LINGO2: variants seen among roughly 807,000 people sequenced by gnomAD.
The protein encoded by LINGO2 is leucine rich repeat and Ig domain containing 2.
Under a neutral mutation model 30.6 loss-of-function variants are expected in LINGO2, and 14 were observed. The ratio of observed to expected loss-of-function variants is 0.46; its 90% confidence interval spans 0.30 to 0.72. The LOEUF (loss-of-function observed/expected upper bound fraction) is 0.72, where lower values mean the gene tolerates loss of function less well. Among genes scored for constraint, LINGO2 ranks in the 30% least tolerant of loss-of-function variants. The probability of loss-of-function intolerance (pLI) is 0.07; values close to 1 mark genes in which losing one functional copy is unlikely to be tolerated. For missense variants in LINGO2, 729 were observed against 751.7 expected (o/e 0.97, Z 0.35); for synonymous variants, 317 against 288.5 (o/e 1.10, Z -1.00).
At chr9:28,897,134 G>A in the LINGO2 span, among the ~76,000 whole-genome samples, 2 of 152,076 alleles carry the variant, frequency 1.3e-5, no homozygotes, top group African/African-American at 2.4e-5. Context: ...ACATAGTTTG[G>A]TCTACAGAGC....
At chr9:28,774,041 TACACACACACACACAC>T in the LINGO2 span, among the ~76,000 whole-genome samples, 89 of 146,886 alleles carry the variant, frequency 6.1e-4, no homozygotes, top group African/African-American at 1.1e-3. Flanking sequence ...TTCTTTTTGA[TACACACACACACACAC>T]ACACACACAC....
chr9:28,935,915 G>C, the LINGO2 span, among the ~76,000 whole-genome samples: 1 of 151,998 alleles, frequency 6.6e-6, no homozygotes, highest in Non-Finnish European at 1.5e-5. Context: ...TGTTTTGTTA[G>C]AGAAACAAAA....
At chr9:28,318,432 T>C (rs1033165451) in intron 3 of LINGO2, among the ~76,000 whole-genome samples, 1 of 152,206 alleles carries the variant, frequency 6.6e-6, no homozygotes, top group South Asian at 2.1e-4. Context: ...GTGAACTATG[T>C]GTTCATCTTA....
the LINGO2 span, among the ~76,000 whole-genome samples, chr9:28,929,717 T>C: frequency 6.6e-6 from 1 of 152,098 alleles, no homozygotes; most frequent in Non-Finnish European, 1.5e-5. Flanking sequence ...CAAAGCTGAG[T>C]GAGAGTGCAA....
At chr9:28,599,700 T>C (rs1056580928) in intron 1 of LINGO2, among the ~76,000 whole-genome samples, 1 of 152,230 alleles carries the variant, frequency 6.6e-6, no homozygotes, top group African/African-American at 2.4e-5. Flanking sequence ...ATGGATTTGT[T>C]TATTGTTTAC....
intron 3 of LINGO2, among the ~76,000 whole-genome samples, chr9:28,358,516 G>A (rs1035790622): frequency 5.9e-5 from 9 of 152,140 alleles, no homozygotes; most frequent in African/African-American, 2.2e-4. Context: ...GTCTCAGGAT[G>A]ACAGCCCTTT....
At chr9:28,651,514 C>G (rs553959881) in intron 1 of LINGO2, among the ~76,000 whole-genome samples, 2 of 152,212 alleles carry the variant, frequency 1.3e-5, no homozygotes, top group East Asian at 3.9e-4. Flanking sequence ...CCTGTGGAAG[C>G]CAGCCACCAT....
chr9:28,641,847 T>G (rs1588012006), intron 1 of LINGO2, among the ~76,000 whole-genome samples: 1 of 152,138 alleles, frequency 6.6e-6, no homozygotes, highest in African/African-American at 2.4e-5. Context: ...GTTCCATTAA[T>G]AGTGAAGCAT....
chr9:29,092,023 A>G, the LINGO2 span, among the ~76,000 whole-genome samples: 1 of 152,022 alleles, frequency 6.6e-6, no homozygotes, highest in East Asian at 1.9e-4. Flanking sequence ...GACTATAAAA[A>G]TAGTAATAAT....
chr9:28,669,929 C>T lies in LINGO2; in HGVS notation c.-365+271G>A, dbSNP rs574407050. Among the ~76,000 whole-genome samples, 41 of 151,996 alleles carry T rather than the reference C, an allele frequency of 2.7e-4. 1 individual carries two copies. The South Asian group carries it at 8.5e-3, about 32-fold the overall frequency. ...ACATTAAGCAAACAGAAACAGTATA[C>T]AGACTGTCAGAAACATATCATCACA... On this transcript the variant is annotated intron_variant, in intron 1 of 5. Coordinates refer to ENST00000379992, the Ensembl canonical transcript of LINGO2.
At chr9:28,352,177 A>C (rs1564142964) in intron 3 of LINGO2, among the ~76,000 whole-genome samples, 1 of 151,980 alleles carries the variant, frequency 6.6e-6, no homozygotes, top group Non-Finnish European at 1.5e-5. Context: ...AAGGAAATAA[A>C]GGGTATTCAG....
At chr9:28,534,494 G>A (rs944129728) in intron 1 of LINGO2, among the ~76,000 whole-genome samples, 2 of 152,068 alleles carry the variant, frequency 1.3e-5, no homozygotes, top group African/African-American at 2.4e-5. Flanking sequence ...CCAAGATATC[G>A]TACTATAGCA....
At chr9:27,996,138 C>G (rs1587644502) in intron 5 of LINGO2, among the ~76,000 whole-genome samples, 1 of 151,976 alleles carries the variant, frequency 6.6e-6, no homozygotes, top group African/African-American at 2.4e-5. Flanking sequence ...CAGAAAATAA[C>G]AGATACTGGT....
the LINGO2 span, among the ~76,000 whole-genome samples, chr9:28,754,119 T>C: frequency 6.6e-6 from 1 of 151,814 alleles, no homozygotes; most frequent in African/African-American, 2.4e-5. Context: ...CCAAGTATAC[T>C]AACAGACTAT....
the LINGO2 span, among the ~76,000 whole-genome samples, chr9:29,080,653 T>C: frequency 6.6e-6 from 1 of 152,150 alleles, no homozygotes; most frequent in African/African-American, 2.4e-5. Context: ...GTCTTTGGTC[T>C]CATTGGTTTC....
At chr9:28,760,485 G>T in the LINGO2 span, among the ~76,000 whole-genome samples, 1 of 151,848 alleles carries the variant, frequency 6.6e-6, no homozygotes, top group African/African-American at 2.4e-5. Context: ...CTCCTAAAAG[G>T]CTTGTTAAAT....
At chr9:28,659,772 A>C (rs1317414297) in intron 1 of LINGO2, among the ~76,000 whole-genome samples, 6 of 152,130 alleles carry the variant, frequency 3.9e-5, no homozygotes, top group Admixed American at 3.3e-4. Flanking sequence ...TGAATTGCAA[A>C]GATGATGACC....
the LINGO2 span, among the ~76,000 whole-genome samples, chr9:29,072,107 T>C: frequency 7.2e-5 from 11 of 152,254 alleles, no homozygotes; most frequent in Non-Finnish European, 1.2e-4. Flanking sequence ...TTGGTAAAGT[T>C]ACTTCAGTTT....
intron 1 of LINGO2, among the ~76,000 whole-genome samples, chr9:28,553,269 G>A (rs1822414111): frequency 6.6e-6 from 1 of 152,038 alleles, no homozygotes; most frequent in African/African-American, 2.4e-5. Flanking sequence ...AGAAGAATGT[G>A]TAACTAGAAT....
Sources: allele counts gnomAD v4.1 joint callset (sites outside exome capture counted in the v4.1 genomes callset), GRCh38; gene constraint gnomAD v4.1.1; transcripts MANE v1.5; gene names NCBI Gene and HGNC (gene_info 2026-07-23, HGNC 2026-07-21).